Variants in MTHFD1L observed in about 807,000 individuals in gnomAD.
The protein encoded by MTHFD1L is monofunctional C1-tetrahydrofolate synthase, mitochondrial.
A neutral mutation model predicts 119.5 loss-of-function variants in MTHFD1L; 81 were observed. The ratio of observed to expected loss-of-function variants is 0.68; its 90% CI spans 0.57 to 0.82. MTHFD1L has a LOEUF of 0.82. Among genes scored for constraint, MTHFD1L ranks in the 40% least tolerant of loss-of-function variants. The pLI, the probability that MTHFD1L is intolerant of heterozygous loss-of-function variation, is 0.00. For synonymous variants in MTHFD1L, 430 were observed against 475.2 expected (o/e 0.90, Z 1.24); for missense variants, 1,125 against 1,253.4 (o/e 0.90, Z 1.55).
At chr6:151,000,466 A>G (rs1198029566) in intron 20 of MTHFD1L, among the ~76,000 whole-genome samples, 2 of 152,234 alleles carry the variant, frequency 1.3e-5, no homozygotes, top group Non-Finnish European at 2.9e-5. Flanking sequence ...ATAAAACTAA[A>G]CAGGGTTATA....
intron 7 of MTHFD1L, among the ~76,000 whole-genome samples, chr6:150,895,130 C>T (rs1294888162): frequency 6.6e-6 from 1 of 152,214 alleles, no homozygotes; most frequent in Non-Finnish European, 1.5e-5. Context: ...AACGCAGGCC[C>T]CCACACCCAG....
intron 24 of MTHFD1L, among the ~76,000 whole-genome samples, chr6:151,028,307 C>CA (rs1345978695): frequency 9.2e-5 from 14 of 152,134 alleles, no homozygotes; most frequent in Admixed American, 7.9e-4. Flanking sequence ...TAGTTGGTAA[C>CA]AAAAAAATGT....
At chr6:151,016,382 G>A (rs1783053232) in intron 24 of MTHFD1L, among the ~76,000 whole-genome samples, 1 of 151,870 alleles carries the variant, frequency 6.6e-6, no homozygotes, top group South Asian at 2.1e-4. Flanking sequence ...GAGTACAGTG[G>A]TGCAATCTCG....
At chr6:150,900,734 G>A (rs904762183) in intron 7 of MTHFD1L, among the ~76,000 whole-genome samples, 2 of 152,186 alleles carry the variant, frequency 1.3e-5, no homozygotes, top group Non-Finnish European at 2.9e-5. Context: ...GAAAAAGTGC[G>A]GCCGGGCGCG....
chr6:151,069,688 A>T (rs1174096125), intron 26 of MTHFD1L, among the ~76,000 whole-genome samples: 2 of 152,126 alleles, frequency 1.3e-5, no homozygotes, highest in Non-Finnish European at 1.5e-5. Context: ...CAGCCTGTCC[A>T]GGGATCACTT....
intron 24 of MTHFD1L, among the ~76,000 whole-genome samples, chr6:151,030,715 G>A (rs939117682): frequency 6.6e-6 from 1 of 152,192 alleles, no homozygotes; most frequent in Non-Finnish European, 1.5e-5. Flanking sequence ...GGGAACCCAA[G>A]CTTAGTCAAT....
intron 26 of MTHFD1L, among the ~76,000 whole-genome samples, chr6:151,082,813 A>AT (rs1793331826): frequency 6.6e-6 from 1 of 152,168 alleles, no homozygotes; most frequent in African/African-American, 2.4e-5. Flanking sequence ...GACAATCACA[A>AT]TCAAAAAAAA....
chr6:150,911,945 G>T (rs1029981368), intron 8 of MTHFD1L, among the ~76,000 whole-genome samples: 1 of 152,116 alleles, frequency 6.6e-6, no homozygotes, highest in East Asian at 1.9e-4. Context: ...CCTACAACAC[G>T]TGGGAATTAT....
intron 20 of MTHFD1L, among the ~76,000 whole-genome samples, chr6:151,006,735 A>G (rs959789498): frequency 1.3e-5 from 2 of 152,048 alleles, no homozygotes; most frequent in African/African-American, 4.8e-5. Context: ...AGTGCCTTCT[A>G]TGTGTCTTGA....
chr6:151,100,443 C>T (rs1380634844), intron 27 of MTHFD1L, among the ~76,000 whole-genome samples: 2 of 152,150 alleles, frequency 1.3e-5, no homozygotes, highest in East Asian at 1.9e-4. Flanking sequence ...TGTCTAGAAA[C>T]TAACCAAGCA....
At chr6:150,981,634 A>G (rs1323807732) in intron 20 of MTHFD1L, among the ~76,000 whole-genome samples, 2 of 152,238 alleles carry the variant, frequency 1.3e-5, no homozygotes, top group Admixed American at 1.3e-4. Context: ...CAAGTACTCA[A>G]TTTAGAAAGC....
At position 151,009,905 on chromosome 6, in the gene MTHFD1L, G is replaced by A; in HGVS notation, c.2212G>A (p.Val738Ile). The A allele has an allele frequency of 6.2e-7, 1 of 1,613,660 alleles. No homozygotes were observed. The highest frequency in any genetic ancestry group is 8.5e-7 in the Non-Finnish European group (1 of 1,179,850). ...CRASGLVPNV[V>I]VLVATVRALK... ...AGCTTCCGGCTTGGTGCCCAACGTG[G>A]TTGTGTTAGTGGCAACGGTGCGAGC... Residue 738 changes from valine to isoleucine, a missense_variant, in exon 21 of 28, where the codon GTT becomes ATT. By Grantham distance (29) the Val-to-Ile change is conservative. Coordinates refer to ENST00000367321, the MANE Select transcript of MTHFD1L (RefSeq NM_015440.5).
chr6:151,083,659 A>G (rs553563405), intron 26 of MTHFD1L, among the ~76,000 whole-genome samples: 25 of 152,320 alleles, frequency 1.6e-4, no homozygotes, highest in African/African-American at 5.8e-4. Context: ...AGAGTTACCA[A>G]AGCACATTTC....
intron 18 of MTHFD1L, 94 bp downstream of exon 18, chr6:150,960,509 G>A: frequency 7.6e-6 from 11 of 1,450,230 alleles, no homozygotes; most frequent in South Asian, 1.4e-5. Context: ...ATCAGTGAGT[G>A]TAATGAGGAT....
At chr6:150,900,426 C>T (rs142743998) in intron 7 of MTHFD1L, among the ~76,000 whole-genome samples, 274 of 152,186 alleles carry the variant, frequency 1.8e-3, no homozygotes, top group Middle Eastern at 0.01. Context: ...GTCTGTTAAC[C>T]TGCTTTCCTT....
Position 150,882,749 on chromosome 6 carries a change from G to A in MTHFD1L, c.418-13G>A, listed in dbSNP as rs1471678467. ...AAACTAATTTTTATTTTGTTTTTTT[G>A]TTTTCTCTTTAGATTATAGATGAAA... On this transcript the variant is annotated splice_polypyrimidine_tract_variant and intron_variant, in intron 4 of 27. Coordinates refer to ENST00000367321, the MANE Select transcript of MTHFD1L (RefSeq NM_015440.5). 3.4e-6 allele frequency: 5 copies of A among 1,455,148 alleles called. No individual in the cohort carries two copies. The South Asian group carries it at 4.5e-5, about 13-fold the overall frequency. The allele number at this position is 1,455,148 out of a possible 1,614,324, so 90.1% of individuals were successfully genotyped here. A position where few individuals can be genotyped will look rare whatever the true frequency, so the allele number is the denominator to read the frequency against.
chr6:151,048,719 T>G (rs371243348), intron 26 of MTHFD1L, among the ~76,000 whole-genome samples: 1 of 152,314 alleles, frequency 6.6e-6, no homozygotes, highest in East Asian at 1.9e-4. Flanking sequence ...CCAGCAAGAC[T>G]AAAAAACCAG....
Position 150,926,321 on chromosome 6 carries a change from G to C in MTHFD1L, c.1256+26G>C, listed in dbSNP as rs764831576. 8.2e-6 allele frequency: 13 copies of C among 1,587,732 alleles called. No individual in the cohort carries two copies. Among genetic ancestry groups the C allele is most frequent in the Non-Finnish European group, 1.0e-5 (12 of 1,160,464 alleles). ...GTAAGACACCATCTAACATCTACTT[G>C]ATCAAGCAGACATATTTACAAAACT... On this transcript the variant is annotated intron_variant, in intron 11 of 27. Coordinates refer to ENST00000367321, the MANE Select transcript of MTHFD1L (RefSeq NM_015440.5). The surrounding 1 kb of genome is among the most constrained non-coding windows in gnomAD (Gnocchi z 4.3).
intron 1 of MTHFD1L, among the ~76,000 whole-genome samples, chr6:150,867,794 C>CTTT (rs35396368): frequency 8.5e-4 from 98 of 115,914 alleles, no homozygotes; most frequent in Non-Finnish European, 1.1e-3. Context: ...CATACATATT[C>CTTT]TTTTTTTTTT....
Sources: gnomAD v4.1 joint callset for allele counts (sites outside exome capture counted in the v4.1 genomes callset) on GRCh38, gnomAD v4.1.1 for gene constraint, Gnocchi (gnomAD v3.1) non-coding constraint, MANE v1.5 for transcripts, NCBI Gene and HGNC (gene_info 2026-07-23, HGNC 2026-07-21) for gene names.